Variants in CAMK2D observed in about 807,000 individuals in gnomAD.
CAMK2D encodes the protein calcium/calmodulin-dependent protein kinase type II subunit delta.
CAMK2D carries 37 observed loss-of-function variants against 84.0 expected under a neutral mutation model. That is an observed-to-expected ratio of 0.44 (90% confidence interval 0.34 to 0.58). The LOEUF is 0.58. Among genes scored for constraint, CAMK2D ranks in the 20% least tolerant of loss-of-function variants. The probability of loss-of-function intolerance (pLI) is 0.02; values close to 1 mark genes in which losing one functional copy is unlikely to be tolerated. For synonymous variants in CAMK2D, 202 were observed against 212.5 expected (o/e 0.95, Z 0.43); for missense variants, 448 against 652.5 (o/e 0.69, Z 3.41).
At chr4:113,699,237 T>C (rs962380757) in intron 2 of CAMK2D, among the ~76,000 whole-genome samples, 8 of 152,222 alleles carry the variant, frequency 5.3e-5, no homozygotes, top group African/African-American at 1.4e-4. Context: ...GTAAAAACCA[T>C]ATGAAAAATG....
At chr4:113,717,672 A>G (rs1323744829) in intron 2 of CAMK2D, among the ~76,000 whole-genome samples, 1 of 152,100 alleles carries the variant, frequency 6.6e-6, no homozygotes, top group Non-Finnish European at 1.5e-5. Flanking sequence ...TGGTGGAGAG[A>G]GTTGAATTTT....
rs1020287684 is a variant in CAMK2D at position 113,453,672 on chromosome 4, A to G, written c.*873T>C. On this transcript the variant is annotated 3_prime_UTR_variant, in exon 21 of 21. Transcript: ENST00000511664. ...AATTTCACTTCTATTCTTTTCTCAC[A>G]CACTACTAGCCAGCCTCCCCAAAAA... 2 of 152,186 alleles carry G rather than the reference A, an allele frequency of 1.3e-5. No individual in the cohort carries two copies. Among genetic ancestry groups the G allele is most frequent in the African/African-American group, 4.8e-5 (2 of 41,394 alleles). The allele number at this position is 152,186 out of a possible 1,614,324, so 9.4% of individuals were successfully genotyped here.
At chr4:113,564,859 A>G (rs1339782668) in intron 4 of CAMK2D, among the ~76,000 whole-genome samples, 1 of 152,252 alleles carries the variant, frequency 6.6e-6, no homozygotes, top group Admixed American at 6.5e-5. Context: ...AGCCTATATT[A>G]GATGAGGAAT....
At chr4:113,510,334 T>TAAAC (rs1350814042) in intron 12 of CAMK2D, among the ~76,000 whole-genome samples, 1 of 152,302 alleles carries the variant, frequency 6.6e-6, no homozygotes, top group South Asian at 2.1e-4. Context: ...AAAGGCTTCA[T>TAAAC]AAACAAAAGC....
Position 113,733,262 on chromosome 4 carries a change from T to C in CAMK2D, c.160+26058A>G, listed in dbSNP as rs1161266280. Among the ~76,000 whole-genome samples, 25 of 152,248 alleles carry C rather than the reference T, an allele frequency of 1.6e-4. 1 individual carries two copies. The stretch of plus-strand genomic sequence containing the variant: ...AAGAAATCTTTTGAATACTTTCCTA[T>C]GTTCCTGTAATAACAGTTGCCTTCC... On this transcript the variant is annotated intron_variant, in intron 2 of 20. Transcript: ENST00000511664.
At chr4:113,517,170 G>T (rs1677613037) in intron 9 of CAMK2D, among the ~76,000 whole-genome samples, 1 of 152,012 alleles carries the variant, frequency 6.6e-6, no homozygotes, top group African/African-American at 2.4e-5. Context: ...TATTTGATAT[G>T]TGATCACAGC....
At chr4:113,473,098 TAAATG>T (rs1474469768) in intron 16 of CAMK2D, among the ~76,000 whole-genome samples, 10 of 152,312 alleles carry the variant, frequency 6.6e-5, no homozygotes, top group Admixed American at 5.2e-4. Flanking sequence ...ATCATAAACT[TAAATG>T]AACCACCTAA....
chr4:113,679,197 A>T (rs2099330392), intron 2 of CAMK2D, among the ~76,000 whole-genome samples: 1 of 152,218 alleles, frequency 6.6e-6, no homozygotes, highest in South Asian at 2.1e-4. Context: ...AAAAAAAATA[A>T]GGAAATATGA....
intron 3 of CAMK2D, among the ~76,000 whole-genome samples, chr4:113,652,024 T>A (rs1398402400): frequency 3.9e-5 from 6 of 152,240 alleles, no homozygotes; most frequent in African/African-American, 7.2e-5. Context: ...AAGGATTTTT[T>A]AATCAATGTT....
chr4:113,680,007 G>C (rs1425391373), intron 2 of CAMK2D, among the ~76,000 whole-genome samples: 2 of 152,088 alleles, frequency 1.3e-5, no homozygotes, highest in Non-Finnish European at 2.9e-5. Context: ...CCATTATAAA[G>C]AAGTCTAGTA....
At chr4:113,555,023 G>A (rs1161502619) in intron 4 of CAMK2D, among the ~76,000 whole-genome samples, 1 of 152,060 alleles carries the variant, frequency 6.6e-6, no homozygotes, top group Non-Finnish European at 1.5e-5. Context: ...ATTTGTTACT[G>A]TTGTTATTTA....
rs372768080 is a variant in CAMK2D at position 113,581,445 on chromosome 4, G to A, written c.275+27707C>T. On this transcript the variant is annotated intron_variant, in intron 4 of 20. Transcript: ENST00000511664. ...GGAGATTCACTTGAACCCGGGAGGCGGAGGTTGCGGTGAGCCAAGATCTTC... is the reference window on the plus strand; with the variant it reads ...GGAGATTCACTTGAACCCGGGAGGCAGAGGTTGCGGTGAGCCAAGATCTTC... Among the ~76,000 whole-genome samples, 24 of 151,122 alleles carry A rather than the reference G, an allele frequency of 1.6e-4. No individual in the cohort carries two copies. The East Asian group carries it at 3.3e-3, about 21-fold the overall frequency.
At position 113,500,767 on chromosome 4, in the gene CAMK2D, G is replaced by A. The variant is rs1043242038; in HGVS notation, c.1087-256C>T. On this transcript the variant is annotated intron_variant, in intron 15 of 20. Transcript: ENST00000511664. Reference sequence around the variant, plus strand: ...AATCCAGGTGATTTGTAGAAGCAGCGGAAGTATGCAGTTTATTTTAGAAAC... The same window carrying A: ...AATCCAGGTGATTTGTAGAAGCAGCAGAAGTATGCAGTTTATTTTAGAAAC... Among the ~76,000 whole-genome samples the A allele has an allele frequency of 5.9e-5, 9 of 152,044 alleles. 1 individual carries two copies. The highest frequency in any genetic ancestry group is 1.9e-4 in the East Asian group (1 of 5,198).
At chr4:113,693,272 A>G (rs1348627764) in intron 2 of CAMK2D, among the ~76,000 whole-genome samples, 2 of 152,210 alleles carry the variant, frequency 1.3e-5, no homozygotes, top group African/African-American at 4.8e-5. Flanking sequence ...CAAAGCTCCC[A>G]TAAAAAATTC....
At chr4:113,542,892 T>A (rs1410130515) in intron 6 of CAMK2D, among the ~76,000 whole-genome samples, 1 of 152,212 alleles carries the variant, frequency 6.6e-6, no homozygotes, top group African/African-American at 2.4e-5. Context: ...CATATTCATC[T>A]ATCCATCCGT....
intron 2 of CAMK2D, among the ~76,000 whole-genome samples, chr4:113,757,040 T>A (rs936675559): frequency 1.3e-5 from 2 of 152,108 alleles, no homozygotes; most frequent in African/African-American, 2.4e-5. Flanking sequence ...ATTCCCTGAA[T>A]CCTCAGAACA....
intron 3 of CAMK2D, among the ~76,000 whole-genome samples, chr4:113,649,587 T>C (rs916363908): frequency 1.3e-5 from 2 of 152,242 alleles, no homozygotes; most frequent in African/African-American, 4.8e-5. Flanking sequence ...TGTATGTTAG[T>C]GCTCCCATGG....
chr4:113,633,018 T>C lies in CAMK2D; in HGVS notation c.221-23812A>G, dbSNP rs996586895. ...TCAAATGAAGGAATAGTTGTTTTGT[T>C]ATCCAAAGGCAAAAGCCAAGATAAT... On this transcript the variant is annotated intron_variant, in intron 3 of 20. Coordinates refer to ENST00000511664, the MANE Select transcript of CAMK2D (RefSeq NM_001321571.2). Among the ~76,000 whole-genome samples, 3 of 152,232 alleles carry C rather than the reference T, an allele frequency of 2.0e-5. No homozygotes were observed. The South Asian group carries it at 6.2e-4, about 31-fold the overall frequency.
intron 18 of CAMK2D, among the ~76,000 whole-genome samples, chr4:113,459,884 C>T (rs1288184249): frequency 6.6e-6 from 1 of 151,872 alleles, no homozygotes; most frequent in Non-Finnish European, 1.5e-5. Context: ...CCTCGGCCCC[C>T]AAAGCACTGG....
Sources: gnomAD v4.1 joint callset for allele counts (sites outside exome capture counted in the v4.1 genomes callset) on GRCh38, gnomAD v4.1.1 for gene constraint, MANE v1.5 for transcripts, NCBI Gene and HGNC (gene_info 2026-07-23, HGNC 2026-07-21) for gene names.